GAS7: variants seen among roughly 807,000 people sequenced by gnomAD.
GAS7 encodes growth arrest-specific protein 7.
In GAS7, 28 loss-of-function variants were observed where a neutral mutation model predicts 71.1. The ratio of observed to expected loss-of-function variants is 0.39; its 90% CI spans 0.29 to 0.54. The LOEUF (loss-of-function observed/expected upper bound fraction) is 0.54. Among genes scored for constraint, GAS7 ranks in the 20% least tolerant of loss-of-function variants. The pLI, the probability that GAS7 is intolerant of heterozygous loss-of-function variation, is 0.62. For synonymous variants in GAS7, 258 were observed against 245.8 expected (o/e 1.05, Z -0.46); for missense variants, 436 against 627.8 (o/e 0.69, Z 3.27).
intron 1 of GAS7, among the ~76,000 whole-genome samples, chr17:10,126,375 C>CA (rs147825840): frequency 1.0e-5 from 1 of 97,028 alleles, no homozygotes; most frequent in Admixed American, 1.3e-4. Flanking sequence ...TGCACACACA[C>CA]CCACACACTC....
intron 2 of GAS7, among the ~76,000 whole-genome samples, chr17:9,986,935 G>C (rs546185272): frequency 6.6e-6 from 1 of 152,320 alleles, no homozygotes; most frequent in East Asian, 1.9e-4. Flanking sequence ...CTGGGGCTCT[G>C]GCTGGGTGAC....
intron 1 of GAS7, among the ~76,000 whole-genome samples, chr17:10,158,797 G>C (rs1447254380): frequency 1.3e-5 from 2 of 151,980 alleles, no homozygotes; most frequent in East Asian, 3.9e-4. Context: ...GGGCACACCT[G>C]TAATCTCAGC....
rs1311924381 is a variant in GAS7, at chr17:9,974,466, G to A, written c.386-4704C>T. ...CCTCTGGGGGAAGAAAAATGAAATT[G>A]GTCAAGGATCGCTCATAAAGGGAAC... On this transcript the variant is annotated intron_variant, in intron 3 of 13. Coordinates refer to ENST00000432992, the MANE Select transcript of GAS7 (RefSeq NM_201433.2). The surrounding 1 kb of genome is among the most constrained non-coding windows in gnomAD (Gnocchi z 4.0). 6.6e-6 allele frequency among the ~76,000 whole-genome samples: 1 copy of A among 151,892 alleles called. No homozygotes were observed. The highest frequency in any genetic ancestry group is 1.5e-5 in the Non-Finnish European group (1 of 67,988).
intron 1 of GAS7, among the ~76,000 whole-genome samples, chr17:10,057,628 T>A (rs1193490400): frequency 1.5e-4 from 21 of 142,772 alleles, no homozygotes. Flanking sequence ...GGGAGGGAGG[T>A]GGGGAGCAGC....
chr17:10,041,174 A>AAAG lies in GAS7; in HGVS notation c.184-21280_184-21278dup, dbSNP rs1370335460. 9.3e-5 allele frequency among the ~76,000 whole-genome samples: 14 copies of AAAG among 151,134 alleles called. 1 individual carries two copies. Among genetic ancestry groups the AAAG allele is most frequent in the African/African-American group, 2.7e-4 (11 of 40,666 alleles). ...AAGACTGCCTAAAAAAAAAAAAAAAAAAGAAGAAGGTAAAAGCAAAACTTC... is the reference window on the plus strand; with the variant it reads ...AAGACTGCCTAAAAAAAAAAAAAAAAAAGAAGAAGAAGGTAAAAGCAAAACTTC... On this transcript the variant is annotated intron_variant, in intron 1 of 13. Coordinates refer to ENST00000432992, the MANE Select transcript of GAS7 (RefSeq NM_201433.2).
At chr17:9,934,265 G>A (rs1161868244) in intron 8 of GAS7, 21 bp from the exon 9 acceptor site, 12 of 1,549,670 alleles carry the variant, frequency 7.7e-6, no homozygotes, top group Non-Finnish European at 1.1e-5. Flanking sequence ...AAGACCATGA[G>A]ACTCAGGTCA....
chr17:10,037,004 C>T (rs183966271), intron 1 of GAS7, among the ~76,000 whole-genome samples: 15 of 152,310 alleles, frequency 9.8e-5, no homozygotes, highest in Middle Eastern at 3.4e-3. Flanking sequence ...GCCCCGGCCC[C>T]GGCCCCAGCT....
chr17:10,126,146 C>T (rs1413389209), intron 1 of GAS7, among the ~76,000 whole-genome samples: 1 of 152,186 alleles, frequency 6.6e-6, no homozygotes, highest in African/African-American at 2.4e-5. Flanking sequence ...GTGATTGTCC[C>T]AGGGACTCAA....
At chr17:10,040,419 G>C (rs1212189208) in intron 1 of GAS7, among the ~76,000 whole-genome samples, 10 of 152,278 alleles carry the variant, frequency 6.6e-5, no homozygotes, top group Admixed American at 5.9e-4. Flanking sequence ...AAGAAATTTC[G>C]ATTCTATAAA....
rs931369668 is a variant in GAS7 at position 9,995,537 on chromosome 17, T to C, written c.305-13653A>G. On this transcript the variant is annotated intron_variant, in intron 2 of 13. Transcript: ENST00000432992. ...AGAAAAAACAATTGCAAATGATCAA[T>C]AACAAAAAAAAAAAAAAAAGATACT... 4.7e-4 allele frequency among the ~76,000 whole-genome samples: 14 copies of C among 29,496 alleles called. No individual in the cohort carries two copies. The Admixed American group carries it at 5.1e-3, about 11-fold the overall frequency. The allele number at this position is 29,496 out of a possible 152,430, so 19.4% of individuals were successfully genotyped here. A position where few individuals can be genotyped will look rare whatever the true frequency, so the allele number is the denominator to read the frequency against.
chr17:9,940,867 T>C (rs554735905), intron 7 of GAS7, among the ~76,000 whole-genome samples: 7 of 152,320 alleles, frequency 4.6e-5, no homozygotes, highest in African/African-American at 1.4e-4. Flanking sequence ...GGCACGTCCA[T>C]GTTAAGCATG....
intron 1 of GAS7, among the ~76,000 whole-genome samples, chr17:10,079,551 G>A (rs866418272): frequency 3.9e-4 from 59 of 152,262 alleles, no homozygotes; most frequent in African/African-American, 8.9e-4. Context: ...CCTTTCTATT[G>A]ATAAGTCTTT....
chr17:10,074,643 C>T (rs1489826033), intron 1 of GAS7, among the ~76,000 whole-genome samples: 3 of 152,296 alleles, frequency 2.0e-5, no homozygotes, highest in East Asian at 1.9e-4. Context: ...CGAATTGATT[C>T]GGCAGTCTAA....
At chr17:9,920,871 G>C (rs1187990969) in intron 11 of GAS7, among the ~76,000 whole-genome samples, 3 of 152,174 alleles carry the variant, frequency 2.0e-5, no homozygotes, top group African/African-American at 7.2e-5. Flanking sequence ...AATTCGAGTA[G>C]AGTCAAAGTG....
At chr17:10,045,091 C>T (rs945808906) in intron 1 of GAS7, among the ~76,000 whole-genome samples, 1 of 150,106 alleles carries the variant, frequency 6.7e-6, no homozygotes, top group South Asian at 2.1e-4. Context: ...AGAAAATGCT[C>T]GCTGAATACA....
At position 10,026,410 on chromosome 17, in the gene GAS7, T is replaced by G. The variant is rs902789454; in HGVS notation, c.184-6513A>C. On this transcript the variant is annotated intron_variant, in intron 1 of 13. Transcript: ENST00000432992. The surrounding 1 kb of genome is among the most constrained non-coding windows in gnomAD (Gnocchi z 4.5). ...CCACTTTCTGGCAGACCCGTTGCTA[T>G]GGCAATGCTTGCTAATGAGCCCAGT... 2.4e-6 allele frequency: 1 copy of G among 421,460 alleles called. No individual in the cohort carries two copies. Among genetic ancestry groups the G allele is most frequent in the African/African-American group, 2.1e-5 (1 of 46,704 alleles). 26.1% of individuals were successfully genotyped at this position (421,460 alleles called of 1,614,324 possible). A position where few individuals can be genotyped will look rare whatever the true frequency, so the allele number is the denominator to read the frequency against.
Position 9,974,833 on chromosome 17 carries a change from C to A in GAS7, c.386-5071G>T, listed in dbSNP as rs548316455. ...CAACAAAGAAGCGCCAGCAGCTCCG[C>A]CACCCAGGGCTCACCCCCACCCACA... is the stretch of plus-strand genomic sequence containing the variant. On this transcript the variant is annotated intron_variant, in intron 3 of 13. Transcript: ENST00000432992. The surrounding 1 kb of genome is among the most constrained non-coding windows in gnomAD (Gnocchi z 4.0). Among the ~76,000 whole-genome samples the A allele has an allele frequency of 2.4e-4, 37 of 152,264 alleles. No individual in the cohort carries two copies. The highest frequency in any genetic ancestry group is 8.4e-4 in the African/African-American group (35 of 41,542).
chr17:9,941,755 G>A (rs1045512907), intron 7 of GAS7, among the ~76,000 whole-genome samples: 5 of 152,108 alleles, frequency 3.3e-5, no homozygotes, highest in Admixed American at 1.3e-4. Flanking sequence ...TCTCAAACCC[G>A]AGCTGTGCAA....
intron 1 of GAS7, among the ~76,000 whole-genome samples, chr17:10,091,088 A>G (rs933414667): frequency 6.6e-6 from 1 of 151,756 alleles, no homozygotes; most frequent in Non-Finnish European, 1.5e-5. Flanking sequence ...GCTCCCCTCA[A>G]TGCTCTCCCT....
Sources: allele counts gnomAD v4.1 joint callset (sites outside exome capture counted in the v4.1 genomes callset), GRCh38; gene constraint gnomAD v4.1.1; non-coding constraint Gnocchi (gnomAD v3.1); transcripts MANE v1.5; gene names NCBI Gene and HGNC (gene_info 2026-07-23, HGNC 2026-07-21).